The following TASP1 variants were observed in gnomAD, a reference collection of about 807,000 sequenced individuals.
The protein encoded by TASP1 is threonine aspartase 1.
A neutral mutation model predicts 56.6 loss-of-function variants in TASP1; 16 were observed. The ratio of observed to expected loss-of-function variants is 0.28; its 90% CI spans 0.19 to 0.43. The LOEUF is 0.43. TASP1 is among the 20% of genes least tolerant of loss of function. The probability of loss-of-function intolerance (pLI) is 1.00; values close to 1 mark genes in which losing one functional copy is unlikely to be tolerated. For synonymous variants in TASP1, 179 were observed against 184.2 expected, an observed-to-expected ratio of 0.97 and a Z score of 0.23; for missense variants, 393 against 511.6, an observed-to-expected ratio of 0.77 and a Z score of 2.24.
At chr20:13,306,564 C>CAAAAAA in the TASP1 span, among the ~76,000 whole-genome samples, 115 of 63,898 alleles carry the variant, frequency 1.8e-3, 2 homozygotes, top group Non-Finnish European at 2.1e-3. Flanking sequence ...GGAGAAAGGA[C>CAAAAAA]AAAAAAAAAA....
At chr20:13,293,405 A>C in the TASP1 span, among the ~76,000 whole-genome samples, 1 of 151,992 alleles carries the variant, frequency 6.6e-6, no homozygotes, top group Non-Finnish European at 1.5e-5. Context: ...AGAAGGGTAA[A>C]ATTCCTTCTG....
intron 11 of TASP1, among the ~76,000 whole-genome samples, chr20:13,454,225 C>A (rs764038334): frequency 4.6e-5 from 7 of 152,202 alleles, no homozygotes; most frequent in South Asian, 4.2e-4. Context: ...GAATTTATAT[C>A]TTCAGAAATA....
rs565559652 is a variant in TASP1, at chr20:13,491,273, T to C, written c.875-7936A>G. On this transcript the variant is annotated intron_variant, in intron 10 of 13. Transcript: ENST00000337743. Reference sequence around the variant, plus strand: ...TAGAGACTGTGGATCATGCTTGACTTTTCTTATTTATTCCTTTTATTTTCC... The same window carrying C: ...TAGAGACTGTGGATCATGCTTGACTCTTCTTATTTATTCCTTTTATTTTCC... Among the ~76,000 whole-genome samples, 14 of 152,316 alleles carry C rather than the reference T, an allele frequency of 9.2e-5. No homozygotes were observed. In the East Asian group the frequency reaches 2.3e-3, roughly 25 times the overall value.
chr20:13,118,208 A>G, the TASP1 span, among the ~76,000 whole-genome samples: 4 of 152,138 alleles, frequency 2.6e-5, no homozygotes, highest in African/African-American at 9.7e-5. Context: ...AGGGAGGCTG[A>G]CCCTATGCTA....
chr20:13,129,069 T>G, the TASP1 span, among the ~76,000 whole-genome samples: 4 of 151,862 alleles, frequency 2.6e-5, no homozygotes, highest in Non-Finnish European at 5.9e-5. Flanking sequence ...AGAGATGGGG[T>G]CTCGCCAGAT....
At chr20:13,106,972 G>T in the TASP1 span, among the ~76,000 whole-genome samples, 1 of 152,236 alleles carries the variant, frequency 6.6e-6, no homozygotes, top group Non-Finnish European at 1.5e-5. Context: ...AGTCACAGAA[G>T]AAGGAACTCA....
In TASP1 at chr20:13,578,319, T is replaced by C. The variant is rs141716964; in HGVS notation, c.488+2578A>G. On this transcript the variant is annotated intron_variant, in intron 6 of 13. Transcript: ENST00000337743. Reference sequence around the variant, plus strand: ...ATTGCCTATTTGTATCCTTTACTGATTTTTAAAATTTGGGTTGTCTTTTTC... The same window carrying C: ...ATTGCCTATTTGTATCCTTTACTGACTTTTAAAATTTGGGTTGTCTTTTTC... 9.0e-3 allele frequency among the ~76,000 whole-genome samples: 1,362 copies of C among 152,174 alleles called. 21 individuals carry two copies. Among genetic ancestry groups the C allele is most frequent in the African/African-American group, 0.03 (1,260 of 41,528 alleles).
At chr20:13,455,969 A>C (rs973524242) in intron 11 of TASP1, among the ~76,000 whole-genome samples, 4 of 152,170 alleles carry the variant, frequency 2.6e-5, no homozygotes, top group African/African-American at 9.6e-5. Flanking sequence ...TGTTGCAACC[A>C]GATCAGCTGC....
At chr20:13,390,572 T>G in intron 13 of TASP1, 120 bp from the exon 14 acceptor site, 1 of 776,152 alleles carries the variant, frequency 1.3e-6, no homozygotes, top group Non-Finnish European at 2.1e-6. Context: ...ATTTTGCTTC[T>G]GAGCATCCAC....
chr20:13,202,728 T>C, the TASP1 span, among the ~76,000 whole-genome samples: 1,285 of 152,268 alleles, frequency 8.4e-3, 17 homozygotes, highest in African/African-American at 0.029. Context: ...AAGAGGAAAG[T>C]GACGTACAGA....
At chr20:13,123,045 A>T in the TASP1 span, among the ~76,000 whole-genome samples, 2 of 152,116 alleles carry the variant, frequency 1.3e-5, no homozygotes, top group Non-Finnish European at 2.9e-5. Context: ...GATTAACAAT[A>T]CTCGGCCAGG....
At chr20:13,591,085 A>G (rs1393355607) in intron 4 of TASP1, among the ~76,000 whole-genome samples, 2 of 151,958 alleles carry the variant, frequency 1.3e-5, no homozygotes, top group African/African-American at 2.4e-5. Context: ...GGAGGAAAAG[A>G]AAGAAAAAAA....
At chr20:13,530,819 T>C (rs2045191412) in intron 9 of TASP1, among the ~76,000 whole-genome samples, 1 of 152,344 alleles carries the variant, frequency 6.6e-6, no homozygotes, top group East Asian at 1.9e-4. Context: ...TTAGAGGTTG[T>C]CCATCTCTTA....
the TASP1 span, among the ~76,000 whole-genome samples, chr20:13,339,693 T>G: frequency 6.6e-6 from 1 of 152,082 alleles, no homozygotes; most frequent in Non-Finnish European, 1.5e-5. Context: ...CAAGTAGACA[T>G]GGCCTTTCTT....
the TASP1 span, among the ~76,000 whole-genome samples, chr20:13,221,219 A>ACTCCTCCTCCTCCTCCTCCTCCTC: frequency 3.9e-4 from 32 of 82,758 alleles, no homozygotes; most frequent in Non-Finnish European, 6.8e-4. Context: ...AAGCCCTCCT[A>ACTCCTCCTCCTCCTCCTCCTCCTC]CTCCTCCTCC....
chr20:13,255,085 C>T, the TASP1 span, among the ~76,000 whole-genome samples: 2 of 152,138 alleles, frequency 1.3e-5, no homozygotes, highest in African/African-American at 4.8e-5. Context: ...TTTCAGCTAA[C>T]AAATACTACA....
At chr20:13,235,052 T>C in the TASP1 span, among the ~76,000 whole-genome samples, 3 of 152,194 alleles carry the variant, frequency 2.0e-5, no homozygotes, top group Admixed American at 2.0e-4. Context: ...TATCCAGCTA[T>C]TGCCTAATAA....
chr20:13,565,084 A>T, intron 7 of TASP1, among the ~76,000 whole-genome samples: 1 of 152,118 alleles, frequency 6.6e-6, no homozygotes, highest in East Asian at 1.9e-4. Context: ...AGAGTTCAAA[A>T]ATAAACTCTC....
the TASP1 span, among the ~76,000 whole-genome samples, chr20:13,351,563 T>C: frequency 6.6e-6 from 1 of 152,208 alleles, no homozygotes; most frequent in Non-Finnish European, 1.5e-5. Context: ...TGATTCCATT[T>C]ATACAACGTT....
Sources: allele counts gnomAD v4.1 joint callset (sites outside exome capture counted in the v4.1 genomes callset), GRCh38; gene constraint gnomAD v4.1.1; transcripts MANE v1.5; gene names NCBI Gene and HGNC (gene_info 2026-07-23, HGNC 2026-07-21).